PCDHGA11: variants seen among roughly 807,000 people sequenced by gnomAD.
The protein encoded by PCDHGA11 is protocadherin gamma-A11.
Under a neutral mutation model 60.4 loss-of-function variants are expected in PCDHGA11, and 39 were observed. That is an observed-to-expected ratio of 0.65 (90% CI 0.50 to 0.84). PCDHGA11 has a LOEUF of 0.84. Among genes scored for constraint, PCDHGA11 ranks in the 40% least tolerant of loss-of-function variants. The probability of loss-of-function intolerance (pLI) is 0.00; values close to 1 mark genes in which losing one functional copy is unlikely to be tolerated. For synonymous variants in PCDHGA11, 533 were observed against 510.3 expected (o/e 1.04, Z -0.60); for missense variants, 1,165 against 1,197.7 (o/e 0.97, Z 0.40).
chr5:141,436,501 G>A (rs1382579407), intron 1 of PCDHGA11, among the ~76,000 whole-genome samples: 1 of 152,118 alleles, frequency 6.6e-6, no homozygotes, highest in Admixed American at 6.5e-5. Context: ...TTGCAATTAG[G>A]TAAATTGTTA....
At position 141,476,851 on chromosome 5, in the gene PCDHGA11, C is replaced by T; in HGVS notation, c.2434-17956C>T. ...CGAATGACAATGCGCCTGTCTTCAA[C>T]CAGTCCTTGTACCGGGCGCGCGTCC... On this transcript the variant is annotated intron_variant, in intron 1 of 3. Transcript: ENST00000398587. This position sits in a 1 kb window ranked among gnomAD's most constrained non-coding sequence, Gnocchi z 7.6. The T allele has an allele frequency of 6.2e-7, 1 of 1,613,836 alleles. No individual in the cohort carries two copies. Among genetic ancestry groups the T allele is most frequent in the Non-Finnish European group, 8.5e-7 (1 of 1,180,046 alleles).
chr5:141,482,546 A>C (rs1489817593), intron 1 of PCDHGA11, among the ~76,000 whole-genome samples: 1 of 151,868 alleles, frequency 6.6e-6, no homozygotes, highest in African/African-American at 2.4e-5. Context: ...AAAAAAAAAA[A>C]AAAGATAATG....
chr5:141,498,971 G>GGGAAGGAAGGAAGGAAGGAAGGAA (rs201769957), intron 2 of PCDHGA11, among the ~76,000 whole-genome samples: 2 of 110,972 alleles, frequency 1.8e-5, no homozygotes, highest in African/African-American at 3.6e-5. Context: ...GAGGGAGGGA[G>GGGAAGGAAGGAAGGAAGGAAGGAA]GGAAGGAAGG....
intron 1 of PCDHGA11, among the ~76,000 whole-genome samples, chr5:141,437,156 G>A (rs2097864365): frequency 6.6e-6 from 1 of 152,172 alleles, no homozygotes. Flanking sequence ...TAACATATGT[G>A]TTGATTGTTT....
intron 1 of PCDHGA11, among the ~76,000 whole-genome samples, chr5:141,459,249 A>G (rs901058693): frequency 6.6e-6 from 1 of 152,218 alleles, no homozygotes; most frequent in Non-Finnish European, 1.5e-5. Flanking sequence ...TCCTGTCACT[A>G]TAAATTAGTG....
At position 141,486,001 on chromosome 5, in the gene PCDHGA11, C is replaced by G. The variant is rs771993915; in HGVS notation, c.2434-8806C>G. 6.2e-7 allele frequency: 1 copy of G among 1,614,194 alleles called. No homozygotes were observed. Among genetic ancestry groups the G allele is most frequent in the Non-Finnish European group, 8.5e-7 (1 of 1,180,024 alleles). On this transcript the variant is annotated intron_variant, in intron 1 of 3. Transcript: ENST00000398587. The surrounding 1 kb of genome is among the most constrained non-coding windows in gnomAD (Gnocchi z 5.0). ...ACCCGGACCTGGGTCCCAGTGGTAACGTCACCTTTTATTTCAGTGGTCATA... is the reference window on the plus strand; with the variant it reads ...ACCCGGACCTGGGTCCCAGTGGTAAGGTCACCTTTTATTTCAGTGGTCATA...
chr5:141,455,859 TATTA>T (rs2098833777), intron 1 of PCDHGA11, among the ~76,000 whole-genome samples: 1 of 143,846 alleles, frequency 7.0e-6, no homozygotes, highest in African/African-American at 2.5e-5. Flanking sequence ...TAATTTCTTT[TATTA>T]TTTATTTATT....
intron 1 of PCDHGA11, among the ~76,000 whole-genome samples, chr5:141,438,629 TATATATACACAC>T (rs1343412075): frequency 0.05 from 2,378 of 47,602 alleles, 22 homozygotes; most frequent in African/African-American, 0.12. Context: ...TATATATATA[TATATATACACAC>T]ACACACACAC....
Position 141,422,903 on chromosome 5 carries a change from A to G in PCDHGA11, c.1676A>G (p.Asn559Ser), listed in dbSNP as rs1444530801. ...CTGTTCGTGCTGGACCAGAACGACA[A>G]TGCGCCCGAGATCCTGTACCCTGCC... ...LSLFVLDQND[N>S]APEILYPALP... The change falls in exon 1 of 4, where the codon AAT (asparagine) becomes AGT (serine). Residue 559 changes from asparagine to serine, a missense_variant. By Grantham distance (46) the Asn-to-Ser change is conservative. Coordinates refer to ENST00000398587, the MANE Select transcript of PCDHGA11 (RefSeq NM_018914.3). 3 of 1,614,036 alleles carry G rather than the reference A, an allele frequency of 1.9e-6. No homozygotes were observed. Among genetic ancestry groups the G allele is most frequent in the African/African-American group, 2.7e-5 (2 of 74,916 alleles).
chr5:141,507,495 G>A (rs375483743), intron 3 of PCDHGA11, among the ~76,000 whole-genome samples: 5 of 152,352 alleles, frequency 3.3e-5, no homozygotes, highest in East Asian at 3.9e-4. Flanking sequence ...AGGCAGAGCT[G>A]TCCCAGGTCT....
rs200064261 is a variant in PCDHGA11, at chr5:141,487,515, G to A, written c.2434-7292G>A. 3.7e-5 allele frequency: 59 copies of A among 1,614,018 alleles called. No homozygotes were observed. The highest frequency in any genetic ancestry group is 8.8e-5 in the South Asian group (8 of 91,086). On this transcript the variant is annotated intron_variant, in intron 1 of 3. Coordinates refer to ENST00000398587, the MANE Select transcript of PCDHGA11 (RefSeq NM_018914.3). The surrounding 1 kb of genome is among the most constrained non-coding windows in gnomAD (Gnocchi z 5.0). Reference sequence around the variant, plus strand: ...ACACCCTTGGCTTCTGCACCCACTCGGAGTGATAGCTTCATGATGGTGAAG... The same window carrying A: ...ACACCCTTGGCTTCTGCACCCACTCAGAGTGATAGCTTCATGATGGTGAAG...
At chr5:141,467,565 C>A (rs2154569547) in intron 1 of PCDHGA11, among the ~76,000 whole-genome samples, 1 of 152,302 alleles carries the variant, frequency 6.6e-6, no homozygotes, top group East Asian at 1.9e-4. Context: ...TCCCAAATGG[C>A]TATCCAGTTG....
rs543209695 is a variant in PCDHGA11 at position 141,431,563 on chromosome 5, C to T, written c.2433+7903C>T. 24 of 1,614,026 alleles carry T rather than the reference C, an allele frequency of 1.5e-5. No individual in the cohort carries two copies. Among genetic ancestry groups the T allele is most frequent in the Non-Finnish European group, 1.9e-5 (23 of 1,180,046 alleles). ...AGCTGCTTGTAGTCAACGCTACCGA[C>T]CCTGACGAAGGAGTCAATGCGGAAG... On this transcript the variant is annotated intron_variant, in intron 1 of 3. Transcript: ENST00000398587. The surrounding 1 kb of genome is among the most constrained non-coding windows in gnomAD (Gnocchi z 4.8).
rs1301352900 is a variant in PCDHGA11, at chr5:141,491,765, A to T, written c.2434-3042A>T. ...GGCACTGGAGAAGCCGCCCGTCCTC[A>T]TAAGGGATTGAACTTGCATCCACTC... On this transcript the variant is annotated intron_variant, in intron 1 of 3. Transcript: ENST00000398587. The surrounding 1 kb of genome is among the most constrained non-coding windows in gnomAD (Gnocchi z 6.9). 1.3e-6 allele frequency: 2 copies of T among 1,569,228 alleles called. No individual in the cohort carries two copies. Among genetic ancestry groups the T allele is most frequent in the Non-Finnish European group, 1.7e-6 (2 of 1,158,736 alleles).
Position 141,490,731 on chromosome 5 carries a change from G to A in PCDHGA11, c.2434-4076G>A, listed in dbSNP as rs139283997. The A allele has an allele frequency of 6.8e-6, 11 of 1,614,080 alleles. No homozygotes were observed. In the African/African-American group the frequency reaches 1.1e-4, roughly 16 times the overall value. Reference sequence around the variant, plus strand: ...TCACCTACTCCATTGTAGGAAATCAGGTTCAGGGAGCCCCAGCCTCCTCCT... The same window carrying A: ...TCACCTACTCCATTGTAGGAAATCAAGTTCAGGGAGCCCCAGCCTCCTCCT... On this transcript the variant is annotated intron_variant, in intron 1 of 3. Transcript: ENST00000398587. The surrounding 1 kb of genome is among the most constrained non-coding windows in gnomAD (Gnocchi z 5.4).
At chr5:141,465,945 AC>A (rs761290693) in intron 1 of PCDHGA11, among the ~76,000 whole-genome samples, 7 of 151,958 alleles carry the variant, frequency 4.6e-5, no homozygotes, top group Non-Finnish European at 5.9e-5. Context: ...ACATGGTGAA[AC>A]CCCATCTCTA....
At position 141,489,076 on chromosome 5, in the gene PCDHGA11, C is replaced by T. The variant is rs536134432; in HGVS notation, c.2434-5731C>T. The T allele has an allele frequency of 6.1e-6, 2 of 326,424 alleles. No individual in the cohort carries two copies. Among genetic ancestry groups the T allele is most frequent in the East Asian group, 5.8e-5 (1 of 17,220 alleles). 20.2% of individuals were successfully genotyped at this position (326,424 alleles called of 1,614,324 possible). On this transcript the variant is annotated intron_variant, in intron 1 of 3. Coordinates refer to ENST00000398587, the MANE Select transcript of PCDHGA11 (RefSeq NM_018914.3). The surrounding 1 kb of genome is among the most constrained non-coding windows in gnomAD (Gnocchi z 4.5). The stretch of plus-strand genomic sequence containing the variant: ...CAGCTCCCCTCCCCCCTGCCCACCC[C>T]CGCCACTCGGTGACTAAGAACTGCT...
intron 1 of PCDHGA11, among the ~76,000 whole-genome samples, chr5:141,434,248 G>A (rs1347428778): frequency 2.0e-5 from 3 of 152,188 alleles, no homozygotes; most frequent in Non-Finnish European, 2.9e-5. Flanking sequence ...GATGACTTGG[G>A]CATTGTGGGG....
intron 1 of PCDHGA11, among the ~76,000 whole-genome samples, chr5:141,467,665 G>T (rs1205474808): frequency 4.6e-5 from 7 of 152,040 alleles, no homozygotes; most frequent in Non-Finnish European, 1.0e-4. Flanking sequence ...AGTGCCAGAA[G>T]ATTTTTATTT....
Sources: gnomAD v4.1 joint callset for allele counts (sites outside exome capture counted in the v4.1 genomes callset) on GRCh38, gnomAD v4.1.1 for gene constraint, Gnocchi (gnomAD v3.1) non-coding constraint, MANE v1.5 for transcripts, NCBI Gene and HGNC (gene_info 2026-07-23, HGNC 2026-07-21) for gene names.